RERE: variants seen among roughly 807,000 people sequenced by gnomAD.
The protein encoded by RERE is arginine-glutamic acid dipeptide repeats.
Under a neutral mutation model 146.1 loss-of-function variants are expected in RERE, and 40 were observed. That is an observed-to-expected ratio of 0.27 (90% CI 0.21 to 0.36). The LOEUF is 0.36. Among genes scored for constraint, RERE ranks in the 10% least tolerant of loss-of-function variants. The pLI, the probability that RERE is intolerant of heterozygous loss-of-function variation, is 1.00. For missense variants in RERE, 1,933 were observed against 2,138.7 expected (o/e 0.90, Z 1.90); for synonymous variants, 1,003 against 866.0 (o/e 1.16, Z -2.78).
chr1:8,515,218 T>G (rs576319921), intron 7 of RERE, among the ~76,000 whole-genome samples: 8 of 151,752 alleles, frequency 5.3e-5, no homozygotes, highest in Non-Finnish European at 8.8e-5. Context: ...TTTAATTAGC[T>G]GGTCACGGTG....
At chr1:8,520,023 A>C (rs1393639198) in intron 7 of RERE, among the ~76,000 whole-genome samples, 1 of 152,234 alleles carries the variant, frequency 6.6e-6, no homozygotes, top group Admixed American at 6.5e-5. Flanking sequence ...AGGTTTGATT[A>C]AACTGCCTAA....
chr1:8,425,974 G>C (rs1644005953), intron 11 of RERE, among the ~76,000 whole-genome samples: 1 of 152,110 alleles, frequency 6.6e-6, no homozygotes, highest in South Asian at 2.1e-4. Context: ...TAGGTAACTA[G>C]ATCAACTCCT....
At chr1:8,369,746 T>C (rs1253945196) in intron 12 of RERE, among the ~76,000 whole-genome samples, 2 of 151,840 alleles carry the variant, frequency 1.3e-5, no homozygotes, top group Non-Finnish European at 2.9e-5. Flanking sequence ...AAAAAAAAAT[T>C]CTCACACACA....
chr1:8,665,891 C>T (rs1478932237), intron 1 of RERE, among the ~76,000 whole-genome samples: 1 of 152,126 alleles, frequency 6.6e-6, no homozygotes, highest in Non-Finnish European at 1.5e-5. Context: ...CATATGAAAG[C>T]CAGGTCATAT....
At chr1:8,638,123 T>C (rs1647125033) in intron 2 of RERE, among the ~76,000 whole-genome samples, 1 of 152,228 alleles carries the variant, frequency 6.6e-6, no homozygotes, top group African/African-American at 2.4e-5. Context: ...AAGCAACATA[T>C]ATTGAAATAC....
intron 1 of RERE, among the ~76,000 whole-genome samples, chr1:8,770,394 C>T (rs1423545068): frequency 6.6e-6 from 1 of 152,086 alleles, no homozygotes; most frequent in Non-Finnish European, 1.5e-5. Flanking sequence ...CTCAATAATG[C>T]AAAACTACAT....
At chr1:8,469,180 G>C (rs981037881) in intron 10 of RERE, among the ~76,000 whole-genome samples, 1 of 152,002 alleles carries the variant, frequency 6.6e-6, no homozygotes, top group East Asian at 1.9e-4. Context: ...AGTGTGATCA[G>C]CTTTCCAGAT....
At chr1:8,778,822 AAAAG>A (rs928215539) in intron 1 of RERE, among the ~76,000 whole-genome samples, 11 of 152,212 alleles carry the variant, frequency 7.2e-5, no homozygotes, top group African/African-American at 9.6e-5. Context: ...CCAAAAAAAA[AAAAG>A]AAAAAGAAAA....
At chr1:8,508,564 A>G in intron 8 of RERE, 63 bp downstream of exon 8, 1 of 1,216,638 alleles carries the variant, frequency 8.2e-7, no homozygotes, top group South Asian at 1.3e-5. Flanking sequence ...GCAACAGAAT[A>G]AAGTGCCAGC....
At chr1:8,455,454 C>T (rs1054802924) in intron 11 of RERE, among the ~76,000 whole-genome samples, 1 of 152,072 alleles carries the variant, frequency 6.6e-6, no homozygotes, top group Non-Finnish European at 1.5e-5. Flanking sequence ...CTCAACCACA[C>T]GTATCATCAG....
intron 10 of RERE, among the ~76,000 whole-genome samples, chr1:8,473,220 G>C (rs1045351732): frequency 6.6e-6 from 1 of 152,168 alleles, no homozygotes; most frequent in Non-Finnish European, 1.5e-5. Flanking sequence ...TCCCTATGTG[G>C]TGTCTAGCCC....
chr1:8,470,240 GATTA>G (rs1244401355), intron 10 of RERE, among the ~76,000 whole-genome samples: 5 of 152,052 alleles, frequency 3.3e-5, no homozygotes, highest in Non-Finnish European at 5.9e-5. Flanking sequence ...AAAAGTGTGG[GATTA>G]TTTACCCAAA....
chr1:8,356,026 A>G lies in RERE; in HGVS notation c.4486+74T>C. 7.1e-7 allele frequency: 1 copy of G among 1,403,260 alleles called. No individual in the cohort carries two copies. Among genetic ancestry groups the G allele is most frequent in the Non-Finnish European group, 9.4e-7 (1 of 1,061,762 alleles). The allele number at this position is 1,403,260 out of a possible 1,614,324, so 86.9% of individuals were successfully genotyped here. ...TGCATGAATGAATGAATGAGTAATG[A>G]ATGAAGACAGCAGACCAGACCCCAA... is the stretch of plus-strand genomic sequence containing the variant. On this transcript the variant is annotated intron_variant, in intron 21 of 22. Transcript: ENST00000400908. The surrounding 1 kb of genome is among the most constrained non-coding windows in gnomAD (Gnocchi z 5.2).
At chr1:8,693,105 A>C (rs1258347249) in intron 1 of RERE, among the ~76,000 whole-genome samples, 1 of 152,250 alleles carries the variant, frequency 6.6e-6, no homozygotes, top group Admixed American at 6.5e-5. Flanking sequence ...AATGGTAGCA[A>C]GTATGTGGAG....
At chr1:8,790,315 G>A (rs575968658) in intron 1 of RERE, among the ~76,000 whole-genome samples, 1 of 152,186 alleles carries the variant, frequency 6.6e-6, no homozygotes, top group South Asian at 2.1e-4. Flanking sequence ...TTCCTAATGT[G>A]GGCAAACCCC....
intron 8 of RERE, among the ~76,000 whole-genome samples, chr1:8,497,892 T>C (rs1645066863): frequency 6.6e-6 from 1 of 152,202 alleles, no homozygotes; most frequent in Non-Finnish European, 1.5e-5. Context: ...CACACATACA[T>C]TTCCAATATA....
chr1:8,681,647 T>TA lies in RERE; in HGVS notation c.-144-25207_-144-25206insT, dbSNP rs1638974122. 1.3e-5 allele frequency among the ~76,000 whole-genome samples: 2 copies of TA among 152,228 alleles called. 1 individual carries two copies. The highest frequency in any genetic ancestry group is 2.9e-5 in the Non-Finnish European group (2 of 68,034). On this transcript the variant is annotated intron_variant, in intron 1 of 22. Transcript: ENST00000400908. The stretch of plus-strand genomic sequence containing the variant: ...TCAACAAATTGAGATTAGGTAACAC[T>TA]TTAAGTTCTATATCACAAGTCTTAA...
chr1:8,503,415 C>G (rs1000643599), intron 8 of RERE, among the ~76,000 whole-genome samples: 17 of 152,182 alleles, frequency 1.1e-4, no homozygotes, highest in Non-Finnish European at 8.8e-5. Context: ...ACATCAAAAT[C>G]TATATGCACA....
At chr1:8,725,001 C>T (rs1358351032) in intron 1 of RERE, among the ~76,000 whole-genome samples, 1 of 151,596 alleles carries the variant, frequency 6.6e-6, no homozygotes, top group African/African-American at 2.4e-5. Flanking sequence ...CACACAATTT[C>T]AGGTGAAAGT....
Sources: allele counts gnomAD v4.1 joint callset (sites outside exome capture counted in the v4.1 genomes callset), GRCh38; gene constraint gnomAD v4.1.1; non-coding constraint Gnocchi (gnomAD v3.1); transcripts MANE v1.5; gene names NCBI Gene and HGNC (gene_info 2026-07-23, HGNC 2026-07-21).